Variants in STX8 observed in about 807,000 individuals in gnomAD.
STX8 encodes the protein syntaxin 8.
Under a neutral mutation model 37.5 loss-of-function variants are expected in STX8, and 23 were observed. The ratio of observed to expected loss-of-function variants is 0.61; its 90% CI spans 0.44 to 0.87. The LOEUF is 0.87. STX8 is among the 40% of genes least tolerant of loss of function. The pLI, the probability that STX8 is intolerant of heterozygous loss-of-function variation, is 0.00. For missense variants in STX8, 313 were observed against 284.7 expected (o/e 1.10, Z -0.71); for synonymous variants, 115 against 99.1 (o/e 1.16, Z -0.95).
chr17:9,409,231 C>A (rs182884676), intron 6 of STX8, among the ~76,000 whole-genome samples: 2 of 152,136 alleles, frequency 1.3e-5, no homozygotes, highest in Non-Finnish European at 2.9e-5. Flanking sequence ...GGAGTCTTTC[C>A]GGTTTCTGCC....
At chr17:9,288,361 G>C (rs1298993118) in intron 7 of STX8, among the ~76,000 whole-genome samples, 3 of 151,990 alleles carry the variant, frequency 2.0e-5, no homozygotes, top group African/African-American at 2.4e-5. Flanking sequence ...GAAGACAGCA[G>C]CTATAAAGAA....
chr17:9,279,426 T>C (rs993562676), intron 7 of STX8, among the ~76,000 whole-genome samples: 1 of 152,180 alleles, frequency 6.6e-6, no homozygotes, highest in African/African-American at 2.4e-5. Flanking sequence ...TCAGAAGCAT[T>C]AAGCAATTTA....
intron 1 of STX8, among the ~76,000 whole-genome samples, chr17:9,573,810 C>G (rs1907785803): frequency 6.6e-6 from 1 of 152,054 alleles, no homozygotes; most frequent in Non-Finnish European, 1.5e-5. Context: ...GCTTCACTTT[C>G]AACAGTTCTA....
intron 6 of STX8, among the ~76,000 whole-genome samples, chr17:9,444,365 G>T (rs932540453): frequency 1.3e-5 from 2 of 152,174 alleles, no homozygotes; most frequent in African/African-American, 4.8e-5. Context: ...GGATTATCCT[G>T]CCCCTCTCTG....
intron 5 of STX8, among the ~76,000 whole-genome samples, chr17:9,503,936 T>TTTTG (rs1904722354): frequency 2.0e-5 from 3 of 151,956 alleles, no homozygotes; most frequent in African/African-American, 7.3e-5. Context: ...AGCTAATTTT[T>TTTTG]TATTTTTAGT....
chr17:9,533,021 A>G (rs1258231680), intron 4 of STX8, among the ~76,000 whole-genome samples: 3 of 152,248 alleles, frequency 2.0e-5, no homozygotes, highest in African/African-American at 7.2e-5. Context: ...CTTGCACCAA[A>G]TTATCTATTA....
Position 9,250,647 on chromosome 17 carries a change from T to C in STX8, c.644-2A>G. 3 of 1,593,376 alleles carry C rather than the reference T, an allele frequency of 1.9e-6. No homozygotes were observed. The highest frequency in any genetic ancestry group is 2.6e-6 in the Non-Finnish European group (3 of 1,169,656). On this transcript the variant is annotated splice_acceptor_variant, in intron 7 of 7. Coordinates refer to ENST00000306357, the MANE Select transcript of STX8 (RefSeq NM_004853.3). LOFTEE classifies it high-confidence loss of function. ...GCAGTAAAATCACCATGATCATCCCTGGAAAAAAGCAGCAGAAAATACTAC... is the reference window on the plus strand; with the variant it reads ...GCAGTAAAATCACCATGATCATCCCCGGAAAAAAGCAGCAGAAAATACTAC...
chr17:9,330,308 CA>C (rs1909919112), intron 7 of STX8, among the ~76,000 whole-genome samples: 2 of 152,184 alleles, frequency 1.3e-5, no homozygotes, highest in Admixed American at 6.5e-5. Context: ...AGTAGCCCAC[CA>C]GGGGGAAATT....
rs765559318 is a variant in STX8, at chr17:9,378,513, CTA to C, written c.643+37_643+38del. 3 of 1,552,094 alleles carry C rather than the reference CTA, an allele frequency of 1.9e-6. No homozygotes were observed. The Admixed American group carries it at 5.0e-5, about 26-fold the overall frequency. ...ACTCAGAGCAGAGTAAATCCACAAG[CTA>C]TGACAGAAACAGAGCCATAACGTAG... On this transcript the variant is annotated intron_variant, in intron 7 of 7. Transcript: ENST00000306357.
intron 7 of STX8, among the ~76,000 whole-genome samples, chr17:9,301,172 T>C (rs1488759666): frequency 1.3e-5 from 2 of 152,128 alleles, no homozygotes; most frequent in Non-Finnish European, 2.9e-5. Context: ...TTTTTCACCA[T>C]TAGGCAAAAT....
At chr17:9,288,611 G>A (rs367597628) in intron 7 of STX8, among the ~76,000 whole-genome samples, 39 of 152,080 alleles carry the variant, frequency 2.6e-4, no homozygotes, top group South Asian at 1.7e-3. Context: ...GCAGTGAGCC[G>A]AGATCGCGCC....
At chr17:9,278,763 G>A (rs780534271) in intron 7 of STX8, among the ~76,000 whole-genome samples, 5 of 152,054 alleles carry the variant, frequency 3.3e-5, no homozygotes, top group Admixed American at 1.3e-4. Context: ...GAAAGATCAC[G>A]GGGAGGCGGA....
intron 6 of STX8, among the ~76,000 whole-genome samples, chr17:9,432,366 C>A (rs773347272): frequency 3.3e-5 from 5 of 152,122 alleles, no homozygotes; most frequent in Non-Finnish European, 7.3e-5. Context: ...TTGAAAGTAA[C>A]CTCCCATTCC....
chr17:9,545,386 A>G, intron 3 of STX8, 104 bp from the exon 4 acceptor site: 3 of 807,526 alleles, frequency 3.7e-6, no homozygotes. Flanking sequence ...TACAGACTGT[A>G]ATCACTACTA....
intron 7 of STX8, among the ~76,000 whole-genome samples, chr17:9,271,795 T>G (rs934936579): frequency 1.4e-5 from 2 of 147,820 alleles, no homozygotes; most frequent in African/African-American, 5.0e-5. Context: ...ACTTCAAGGG[T>G]CCTACCTAGA....
intron 6 of STX8, among the ~76,000 whole-genome samples, chr17:9,447,048 AT>A (rs1904876541): frequency 6.6e-6 from 1 of 152,208 alleles, no homozygotes; most frequent in Non-Finnish European, 1.5e-5. Flanking sequence ...ATAGAATACG[AT>A]CAGTGAAATA....
At chr17:9,485,409 C>G (rs1379364904) in intron 6 of STX8, among the ~76,000 whole-genome samples, 1 of 152,118 alleles carries the variant, frequency 6.6e-6, no homozygotes, top group Admixed American at 6.5e-5. Flanking sequence ...CATATATACA[C>G]ATACCTATTC....
intron 7 of STX8, among the ~76,000 whole-genome samples, chr17:9,262,592 G>GT (rs60869466): frequency 2.6e-4 from 39 of 150,782 alleles, no homozygotes; most frequent in Admixed American, 8.6e-4. Context: ...TTGTTTTTTT[G>GT]TTTTTTTTGA....
chr17:9,348,632 G>A (rs755106682), intron 7 of STX8, among the ~76,000 whole-genome samples: 8 of 152,200 alleles, frequency 5.3e-5, no homozygotes, highest in Non-Finnish European at 1.0e-4. Flanking sequence ...CTAGTTGCTG[G>A]GAATCAGAAT....
Sources: allele counts gnomAD v4.1 joint callset (sites outside exome capture counted in the v4.1 genomes callset), GRCh38; gene constraint gnomAD v4.1.1; transcripts MANE v1.5; gene names NCBI Gene and HGNC (gene_info 2026-07-23, HGNC 2026-07-21).